KCNH1: variants seen among roughly 807,000 people sequenced by gnomAD.
KCNH1 encodes the protein voltage-gated delayed rectifier potassium channel KCNH1.
KCNH1 carries 27 observed loss-of-function variants against 69.2 expected under a neutral mutation model. The ratio of observed to expected loss-of-function variants is 0.39; its 90% CI spans 0.29 to 0.54. The LOEUF is 0.54. Ranked by LOEUF, KCNH1 falls within the 20% of genes least tolerant of loss-of-function variation. KCNH1 has a pLI of 0.68. For synonymous variants in KCNH1, 456 were observed against 487.7 expected (o/e 0.93, Z 0.86); for missense variants, 798 against 1,261.6 (o/e 0.63, Z 5.57).
intron 4 of KCNH1, 48 bp from the exon 5 acceptor site, chr1:211,082,946 G>A: frequency 6.8e-7 from 1 of 1,463,308 alleles, no homozygotes; most frequent in South Asian, 1.2e-5. Context: ...ACATCCCAAA[G>A]GTGCACAGAC....
At chr1:210,823,217 G>A (rs934477359) in intron 7 of KCNH1, among the ~76,000 whole-genome samples, 10 of 152,096 alleles carry the variant, frequency 6.6e-5, no homozygotes, top group African/African-American at 2.4e-4. Context: ...TTTGTAAGTG[G>A]TCATACATGT....
chr1:210,729,131 C>T (rs180793346), intron 10 of KCNH1, among the ~76,000 whole-genome samples: 30 of 152,320 alleles, frequency 2.0e-4, no homozygotes, highest in African/African-American at 5.8e-4. Flanking sequence ...CATTTCCCTT[C>T]AAGCCATTCT....
At position 210,942,359 on chromosome 1, in the gene KCNH1, C is replaced by T. The variant is rs146430208; in HGVS notation, c.1033-22290G>A. On this transcript the variant is annotated intron_variant, in intron 6 of 10. Transcript: ENST00000271751. Reference sequence around the variant, plus strand: ...CAGGCCCCCTGTGACCCCAGTAGGTCACCCAACCTCTCCGAGCTTCACATC... The same window carrying T: ...CAGGCCCCCTGTGACCCCAGTAGGTTACCCAACCTCTCCGAGCTTCACATC... Among the ~76,000 whole-genome samples the T allele has an allele frequency of 3.2e-3, 486 of 152,266 alleles. 1 individual carries two copies. The highest frequency in any genetic ancestry group is 0.011 in the African/African-American group (460 of 41,556).
intron 6 of KCNH1, among the ~76,000 whole-genome samples, chr1:210,982,731 C>T (rs534553538): frequency 9.9e-5 from 15 of 152,232 alleles, no homozygotes; most frequent in South Asian, 2.1e-4. Context: ...AATAAACATA[C>T]GTGTGCATGT....
intron 6 of KCNH1, among the ~76,000 whole-genome samples, chr1:211,014,887 G>A (rs543411156): frequency 1.3e-5 from 2 of 152,296 alleles, no homozygotes; most frequent in South Asian, 4.1e-4. Flanking sequence ...TGAGAAGACA[G>A]CATATGGTGA....
rs536657898 is a variant in KCNH1, at chr1:210,932,157, G to T, written c.1033-12088C>A. ...CCCCAAATAGATTCAACCTAATAAG[G>T]GTTATCTATGAGGCACATTATAGTC... is the stretch of plus-strand genomic sequence containing the variant. On this transcript the variant is annotated intron_variant, in intron 6 of 10. Transcript: ENST00000271751. Among the ~76,000 whole-genome samples, 11 of 152,078 alleles carry T rather than the reference G, an allele frequency of 7.2e-5. No individual in the cohort carries two copies. The South Asian group carries it at 2.3e-3, about 32-fold the overall frequency.
chr1:210,863,615 C>T (rs147318953), intron 7 of KCNH1, among the ~76,000 whole-genome samples: 33 of 152,230 alleles, frequency 2.2e-4, no homozygotes, highest in African/African-American at 7.2e-4. Flanking sequence ...CCTTAATGTG[C>T]GAGATCTGAA....
intron 10 of KCNH1, among the ~76,000 whole-genome samples, chr1:210,699,283 C>T (rs1473888102): frequency 4.6e-5 from 7 of 152,188 alleles, no homozygotes; most frequent in Admixed American, 6.5e-5. Context: ...GAATGTGGCC[C>T]TCATGTGTCA....
intron 10 of KCNH1, among the ~76,000 whole-genome samples, chr1:210,700,855 T>A (rs539914860): frequency 1.3e-5 from 2 of 152,328 alleles, no homozygotes; most frequent in African/African-American, 4.8e-5. Flanking sequence ...TATGGTCTTT[T>A]GTTGTCTCAA....
At chr1:210,995,319 G>T (rs1157048333) in intron 6 of KCNH1, among the ~76,000 whole-genome samples, 2 of 152,168 alleles carry the variant, frequency 1.3e-5, no homozygotes, top group Non-Finnish European at 2.9e-5. Flanking sequence ...TTCTGTGACT[G>T]CATGAAAGAA....
chr1:210,971,982 G>C (rs1025359102), intron 6 of KCNH1, among the ~76,000 whole-genome samples: 2 of 151,956 alleles, frequency 1.3e-5, no homozygotes, highest in East Asian at 3.9e-4. Flanking sequence ...CCTCTTCAGG[G>C]GTCAAGGGAA....
chr1:210,838,268 T>C (rs921567007), intron 7 of KCNH1, among the ~76,000 whole-genome samples: 2 of 152,194 alleles, frequency 1.3e-5, no homozygotes, highest in Non-Finnish European at 1.5e-5. Flanking sequence ...TAATAAATGG[T>C]GCTGGGAGAA....
intron 7 of KCNH1, among the ~76,000 whole-genome samples, chr1:210,856,516 A>C (rs1321710359): frequency 1.3e-5 from 2 of 151,938 alleles, no homozygotes; most frequent in African/African-American, 4.8e-5. Context: ...AAATGAAGGC[A>C]AGGACATTTG....
At chr1:211,002,265 C>CAT (rs1689197854) in intron 6 of KCNH1, among the ~76,000 whole-genome samples, 1 of 147,684 alleles carries the variant, frequency 6.8e-6, no homozygotes, top group South Asian at 2.2e-4. Context: ...TATACACACA[C>CAT]ACACATATAT....
chr1:210,859,803 G>GAAACAGTC (rs1168242067), intron 7 of KCNH1: 3 of 1,038,600 alleles, frequency 2.9e-6, no homozygotes, highest in African/African-American at 1.6e-5. Flanking sequence ...GAAGCCCCAA[G>GAAACAGTC]AAACAGTCAA....
intron 10 of KCNH1, among the ~76,000 whole-genome samples, chr1:210,730,518 A>AC (rs1682719036): frequency 6.6e-6 from 1 of 151,318 alleles, no homozygotes; most frequent in Non-Finnish European, 1.5e-5. Context: ...CCTACCTCTG[A>AC]CCCCCTACAA....
chr1:210,956,118 G>C (rs1027516129), intron 6 of KCNH1, among the ~76,000 whole-genome samples: 3 of 152,196 alleles, frequency 2.0e-5, no homozygotes. Context: ...ATGAAGGGCT[G>C]TTGAATATTG....
intron 7 of KCNH1, among the ~76,000 whole-genome samples, chr1:210,807,544 G>T (rs192407355): frequency 5.9e-5 from 9 of 152,170 alleles, no homozygotes; most frequent in Admixed American, 2.6e-4. Context: ...CCTGGGAGGT[G>T]CATGTTGCGT....
intron 9 of KCNH1, among the ~76,000 whole-genome samples, chr1:210,797,215 G>A (rs753191688): frequency 2.0e-5 from 3 of 152,110 alleles, no homozygotes; most frequent in Non-Finnish European, 4.4e-5. Context: ...TGGGTTAGAT[G>A]TGCCTCCCAC....
Sources: allele counts gnomAD v4.1 joint callset (sites outside exome capture counted in the v4.1 genomes callset), GRCh38; gene constraint gnomAD v4.1.1; transcripts MANE v1.5; gene names NCBI Gene and HGNC (gene_info 2026-07-23, HGNC 2026-07-21).